Variants in NRDE2 observed in about 807,000 individuals in gnomAD.
NRDE2 encodes nuclear exosome regulator NRDE2.
A neutral mutation model predicts 124.2 loss-of-function variants in NRDE2; 76 were observed. The ratio of observed to expected loss-of-function variants is 0.61; its 90% confidence interval spans 0.51 to 0.74. The LOEUF (loss-of-function observed/expected upper bound fraction) is 0.74. NRDE2 is among the 30% of genes least tolerant of loss of function. NRDE2 has a pLI of 0.00. For missense variants in NRDE2, 1,314 were observed against 1,417.3 expected, an observed-to-expected ratio of 0.93 and a Z score of 1.17; for synonymous variants, 489 against 528.1, an observed-to-expected ratio of 0.93 and a Z score of 1.01.
At chr14:90,306,456 T>A (rs1048831487) in intron 4 of NRDE2, among the ~76,000 whole-genome samples, 5 of 152,206 alleles carry the variant, frequency 3.3e-5, no homozygotes, top group African/African-American at 1.2e-4. Context: ...CTCATGACAG[T>A]CTCTTGCCAT....
chr14:90,271,014 G>A lies in NRDE2; in HGVS notation c.*7322C>T, dbSNP rs1231488433. ...TCCTAGAGAACTAGATGTCTCTGTT[G>A]GCAAGTAAAATCTATCTTCTTTTTT... On this transcript the variant is annotated 3_prime_UTR_variant, in exon 14 of 14. Transcript: ENST00000354366. 6.6e-6 allele frequency: 1 copy of A among 151,770 alleles called. No individual in the cohort carries two copies. The highest frequency in any genetic ancestry group is 1.5e-5 in the Non-Finnish European group (1 of 67,988). 9.4% of individuals were successfully genotyped at this position (151,770 alleles called of 1,614,324 possible).
At chr14:90,307,264 G>A (rs944958672) in intron 4 of NRDE2, among the ~76,000 whole-genome samples, 5 of 152,092 alleles carry the variant, frequency 3.3e-5, no homozygotes, top group Admixed American at 2.0e-4. Context: ...CTGTTCCATT[G>A]TATGGATGTG....
At chr14:90,310,928 A>G (rs1884811910) in intron 4 of NRDE2, among the ~76,000 whole-genome samples, 1 of 152,236 alleles carries the variant, frequency 6.6e-6, no homozygotes, top group Non-Finnish European at 1.5e-5. Context: ...CATTGAAAAT[A>G]TAATAGTCAT....
intron 7 of NRDE2, 130 bp downstream of exon 7, chr14:90,301,109 A>G (rs1368017140): frequency 5.8e-6 from 5 of 857,966 alleles, no homozygotes; most frequent in Non-Finnish European, 9.4e-6. Flanking sequence ...ATAAAGGAGG[A>G]TATGATATTT....
chr14:90,306,497 A>T (rs1884604898), intron 4 of NRDE2, among the ~76,000 whole-genome samples: 1 of 152,174 alleles, frequency 6.6e-6, no homozygotes, highest in African/African-American at 2.4e-5. Flanking sequence ...AACCTTAACA[A>T]AGGTGTGATG....
chr14:90,321,303 G>A (rs1885231299), intron 1 of NRDE2, among the ~76,000 whole-genome samples: 1 of 151,990 alleles, frequency 6.6e-6, no homozygotes, highest in South Asian at 2.1e-4. Flanking sequence ...CTACACTCAA[G>A]CGATCCTCCT....
chr14:90,316,472 C>T lies in NRDE2; in HGVS notation c.407+106G>A, dbSNP rs148615427. ...CTGATATAATGGTAGAGCTCTCTTC[C>T]GACTGAGTGACTAAATGGTTATTCA... On this transcript the variant is annotated intron_variant, in intron 3 of 13. Coordinates refer to ENST00000354366, the MANE Select transcript of NRDE2 (RefSeq NM_017970.4). 143 of 785,496 alleles carry T rather than the reference C, an allele frequency of 1.8e-4. 1 individual carries two copies. The highest frequency in any genetic ancestry group is 4.3e-4 in the South Asian group (25 of 58,496). 48.7% of individuals were successfully genotyped at this position (785,496 alleles called of 1,614,324 possible).
chr14:90,269,472 T>C lies in NRDE2; in HGVS notation c.*8864A>G. 1 of 1,613,604 alleles carries C rather than the reference T, an allele frequency of 6.2e-7. No individual in the cohort carries two copies. The highest frequency in any genetic ancestry group is 1.1e-5 in the South Asian group (1 of 91,060). ...AACTGCTGAACCAGTTGGATGGATT[T>C]GATTCTAGGGGAGATGTGAAAGTTA... On this transcript the variant is annotated 3_prime_UTR_variant, in exon 14 of 14. Coordinates refer to ENST00000354366, the MANE Select transcript of NRDE2 (RefSeq NM_017970.4).
In NRDE2 at chr14:90,272,247, T is replaced by G. The variant is rs577832355; in HGVS notation, c.*6089A>C. ...TAGAATAAAAATGAGTATGTCACTT[T>G]CTGAACACACTCTTCTTTCTTACAG... On this transcript the variant is annotated 3_prime_UTR_variant, in exon 14 of 14. Coordinates refer to ENST00000354366, the MANE Select transcript of NRDE2 (RefSeq NM_017970.4). This position sits in a 1 kb window ranked among gnomAD's most constrained non-coding sequence, Gnocchi z 4.5. 6.2e-7 allele frequency: 1 copy of G among 1,600,318 alleles called. No homozygotes were observed. The highest frequency in any genetic ancestry group is 1.1e-5 in the South Asian group (1 of 88,364).
intron 1 of NRDE2, among the ~76,000 whole-genome samples, chr14:90,319,739 C>T (rs180793519): frequency 6.6e-6 from 1 of 152,130 alleles, no homozygotes; most frequent in African/African-American, 2.4e-5. Flanking sequence ...TTGATGAACA[C>T]TTGGGTTATT....
At chr14:90,325,433 C>T (rs1463415560) in intron 1 of NRDE2, among the ~76,000 whole-genome samples, 1 of 152,198 alleles carries the variant, frequency 6.6e-6, no homozygotes, top group Non-Finnish European at 1.5e-5. Flanking sequence ...ACAATGGCTG[C>T]TCCTATTCTT....
At chr14:90,310,076 T>C (rs1884770202) in intron 4 of NRDE2, among the ~76,000 whole-genome samples, 1 of 152,220 alleles carries the variant, frequency 6.6e-6, no homozygotes. Flanking sequence ...ATTCTGATAC[T>C]TGAGCGCAAG....
At chr14:90,326,312 G>A (rs1885434664) in intron 1 of NRDE2, among the ~76,000 whole-genome samples, 2 of 151,638 alleles carry the variant, frequency 1.3e-5, no homozygotes, top group African/African-American at 2.4e-5. Context: ...GGCTAACAAG[G>A]TGAAACCCCG....
At chr14:90,280,519 C>T (rs567841994) in intron 12 of NRDE2, 4 of 152,420 alleles carry the variant, frequency 2.6e-5, no homozygotes, top group African/African-American at 7.2e-5. Context: ...CAGCTAATCT[C>T]GGAACCCAAC....
rs1160415481 is a variant in NRDE2 at position 90,269,598 on chromosome 14, G to C, written c.*8738C>G. The C allele has an allele frequency of 3.2e-6, 5 of 1,571,596 alleles. No homozygotes were observed. The highest frequency in any genetic ancestry group is 3.5e-6 in the Non-Finnish European group (4 of 1,151,562). ...TGGAGATTAATGTGTTTATATATTT[G>C]TGTTTAAGTGTGCTTTGGGAGGCCT... On this transcript the variant is annotated 3_prime_UTR_variant, in exon 14 of 14. Transcript: ENST00000354366.
intron 1 of NRDE2, 43 bp from the exon 2 acceptor site, chr14:90,318,156 T>C (rs1416555970): frequency 1.4e-6 from 2 of 1,466,150 alleles, no homozygotes; most frequent in Non-Finnish European, 1.9e-6. Context: ...ATTAGTTCAA[T>C]ATGATTCTAA....
chr14:90,282,337 A>T (rs991866781), intron 12 of NRDE2, among the ~76,000 whole-genome samples: 3 of 149,838 alleles, frequency 2.0e-5, no homozygotes, highest in Admixed American at 1.3e-4. Context: ...ACAGCCAGGC[A>T]TGGTCGTGCA....
rs750370067 is a variant in NRDE2, at chr14:90,304,114, C to T, written c.826G>A (p.Asp276Asn). 9 of 1,614,170 alleles carry T rather than the reference C, an allele frequency of 5.6e-6. No individual in the cohort carries two copies. The highest frequency in any genetic ancestry group is 7.6e-6 in the Non-Finnish European group (9 of 1,180,036). Residue 276 changes from aspartate to asparagine, a missense_variant, in exon 5 of 14, where the codon GAT (aspartate) becomes AAT (asparagine). Asp to Asn is a conservative substitution (Grantham distance 23). Coordinates refer to ENST00000354366, the MANE Select transcript of NRDE2 (RefSeq NM_017970.4). ...TGTAGCCAATGTGTGGTTGACTGAT[C>T]ATAAATCCCCAGAGGATTCAACCAG... ...TTWLNPLGIYDQSTTHWLQGQ... is the reference protein window; with the variant it reads ...TTWLNPLGIYNQSTTHWLQGQ...
At chr14:90,312,685 T>C (rs1010513115) in intron 3 of NRDE2, 142 bp from the exon 4 acceptor site, 13 of 764,880 alleles carry the variant, frequency 1.7e-5, no homozygotes, top group African/African-American at 1.4e-4. Context: ...TAAATGTACA[T>C]GTGCCACAGA....
Sources: gnomAD v4.1 joint callset for allele counts (sites outside exome capture counted in the v4.1 genomes callset) on GRCh38, gnomAD v4.1.1 for gene constraint, Gnocchi (gnomAD v3.1) non-coding constraint, MANE v1.5 for transcripts, NCBI Gene and HGNC (gene_info 2026-07-23, HGNC 2026-07-21) for gene names.